Variants in ANKS1B observed in about 807,000 individuals in gnomAD.
ANKS1B encodes ankyrin repeat and sterile alpha motif domain containing 1B, also known as ankyrin repeat and sterile alpha motif domain-containing protein 1B.
ANKS1B carries 36 observed loss-of-function variants against 148.3 expected under a neutral mutation model. The observed-to-expected ratio is 0.24, with a 90% CI of 0.19 to 0.32. The LOEUF is 0.32. Among genes scored for constraint, ANKS1B ranks in the 10% least tolerant of loss-of-function variants. ANKS1B has a pLI of 1.00. For synonymous variants in ANKS1B, 542 were observed against 560.8 expected, an observed-to-expected ratio of 0.97 and a Z score of 0.47; for missense variants, 1,157 against 1,542.6, an observed-to-expected ratio of 0.75 and a Z score of 4.19.
At chr12:99,706,117 ATG>A (rs1487187996) in intron 8 of ANKS1B, among the ~76,000 whole-genome samples, 1 of 152,032 alleles carries the variant, frequency 6.6e-6, no homozygotes, top group Non-Finnish European at 1.5e-5. Flanking sequence ...CATGGAAAAC[ATG>A]TGTGTGCTTG....
intron 17 of ANKS1B, among the ~76,000 whole-genome samples, chr12:99,052,734 CAA>C (rs56965572): frequency 1.5e-4 from 4 of 26,004 alleles, no homozygotes; most frequent in African/African-American, 7.6e-4. Flanking sequence ...GACTCCGTCT[CAA>C]AAAAAAAAAA....
At chr12:98,811,805 G>T (rs561794956) in intron 19 of ANKS1B, among the ~76,000 whole-genome samples, 2 of 152,058 alleles carry the variant, frequency 1.3e-5, no homozygotes, top group Admixed American at 1.3e-4. Flanking sequence ...TTTCTCTTTA[G>T]GGTGTGCAGT....
At chr12:98,867,837 G>C (rs1197212631) in intron 17 of ANKS1B, among the ~76,000 whole-genome samples, 2 of 151,504 alleles carry the variant, frequency 1.3e-5, no homozygotes, top group Admixed American at 6.6e-5. Flanking sequence ...GCTCCAGCCT[G>C]GCAACAGAGC....
intron 17 of ANKS1B, among the ~76,000 whole-genome samples, chr12:98,934,228 T>C (rs2152978918): frequency 6.6e-6 from 1 of 152,280 alleles, no homozygotes; most frequent in East Asian, 1.9e-4. Context: ...TCCAGTCTTC[T>C]CAATATCATT....
chr12:98,989,594 A>G (rs2099925356), intron 17 of ANKS1B, among the ~76,000 whole-genome samples: 1 of 151,994 alleles, frequency 6.6e-6, no homozygotes, highest in South Asian at 2.1e-4. Context: ...TGCTTTGTCT[A>G]TTTGGGACCT....
At chr12:99,793,191 G>T (rs569869182) in intron 4 of ANKS1B, among the ~76,000 whole-genome samples, 1 of 151,982 alleles carries the variant, frequency 6.6e-6, no homozygotes. Flanking sequence ...AATTGAAGAT[G>T]ACATCAAAAA....
At chr12:99,700,808 G>C (rs760165121) in intron 8 of ANKS1B, among the ~76,000 whole-genome samples, 7 of 152,144 alleles carry the variant, frequency 4.6e-5, no homozygotes, top group Non-Finnish European at 8.8e-5. Context: ...GAATATGCTA[G>C]AGAATTTATG....
intron 17 of ANKS1B, among the ~76,000 whole-genome samples, chr12:98,842,319 C>T (rs1460208692): frequency 1.3e-5 from 2 of 152,126 alleles, no homozygotes; most frequent in Non-Finnish European, 2.9e-5. Flanking sequence ...AAAGAAGCTG[C>T]ACACACAAGA....
chr12:99,845,835 G>A (rs113432373), intron 1 of ANKS1B, among the ~76,000 whole-genome samples: 4 of 152,202 alleles, frequency 2.6e-5, no homozygotes, highest in African/African-American at 9.6e-5. Context: ...GAATTCAGAT[G>A]TGAAACTGTG....
chr12:99,204,498 C>A (rs79879797), intron 14 of ANKS1B, among the ~76,000 whole-genome samples: 1,974 of 152,354 alleles, frequency 0.013, 32 homozygotes, highest in Non-Finnish European at 0.017. Context: ...CCTAAAACCA[C>A]ACTGTGTTTC....
intron 9 of ANKS1B, among the ~76,000 whole-genome samples, chr12:99,518,857 C>T (rs147715580): frequency 0.025 from 3,847 of 152,082 alleles, 78 homozygotes; most frequent in South Asian, 0.087. Flanking sequence ...GATGTAGACA[C>T]TTATAGGATA....
At chr12:98,976,723 T>G (rs905373365) in intron 17 of ANKS1B, 2 of 152,142 alleles carry the variant, frequency 1.3e-5, no homozygotes, top group South Asian at 4.1e-4. Flanking sequence ...AAAACACACA[T>G]GGCTCAGGGA....
At chr12:99,729,889 C>T (rs1316158745) in intron 8 of ANKS1B, among the ~76,000 whole-genome samples, 1 of 152,042 alleles carries the variant, frequency 6.6e-6, no homozygotes, top group Admixed American at 6.6e-5. Flanking sequence ...TCCCTTTTTG[C>T]ATATAAGTTT....
intron 16 of ANKS1B, among the ~76,000 whole-genome samples, chr12:99,055,499 C>A (rs2099969026): frequency 6.6e-6 from 1 of 152,186 alleles, no homozygotes; most frequent in South Asian, 2.1e-4. Flanking sequence ...AGCACTTACA[C>A]AACACTCTTT....
chr12:99,077,920 C>G (rs950047506), intron 16 of ANKS1B, among the ~76,000 whole-genome samples: 2 of 152,170 alleles, frequency 1.3e-5, no homozygotes, highest in Non-Finnish European at 2.9e-5. Context: ...TTCTCTTCAT[C>G]TATGACATAG....
At chr12:98,782,302 C>T (rs2098745109) in intron 22 of ANKS1B, among the ~76,000 whole-genome samples, 165 bp from the exon 23 acceptor site, 2 of 152,110 alleles carry the variant, frequency 1.3e-5, no homozygotes, top group South Asian at 4.1e-4. Context: ...AGATGCAGTG[C>T]CACTGTTATT....
At chr12:99,921,408 C>T (rs914428854) in intron 1 of ANKS1B, among the ~76,000 whole-genome samples, 6 of 152,116 alleles carry the variant, frequency 3.9e-5, no homozygotes, top group East Asian at 1.9e-4. Flanking sequence ...GTCAATTAAA[C>T]GTCTTCCTTT....
At chr12:99,566,467 TCTA>T (rs1224621740) in intron 9 of ANKS1B, among the ~76,000 whole-genome samples, 1 of 152,196 alleles carries the variant, frequency 6.6e-6, no homozygotes, top group Non-Finnish European at 1.5e-5. Flanking sequence ...AGTTCAGATT[TCTA>T]CTAAGGGTCT....
chr12:98,845,005 C>G (rs1030419057), intron 17 of ANKS1B, among the ~76,000 whole-genome samples: 1 of 152,040 alleles, frequency 6.6e-6, no homozygotes, highest in African/African-American at 2.4e-5. Flanking sequence ...ATCAATTGTT[C>G]AAGTTCAAGA....
Sources: allele counts gnomAD v4.1 joint callset (sites outside exome capture counted in the v4.1 genomes callset), GRCh38; gene constraint gnomAD v4.1.1; transcripts MANE v1.5; gene names NCBI Gene and HGNC (gene_info 2026-07-23, HGNC 2026-07-21).